COL5A2: variants seen among roughly 807,000 people sequenced by gnomAD.
COL5A2 encodes collagen alpha-2(V) chain.
Under a neutral mutation model 208.2 loss-of-function variants are expected in COL5A2, and 23 were observed. That is an observed-to-expected ratio of 0.11 (90% CI 0.08 to 0.16). The LOEUF is 0.16. Among genes scored for constraint, COL5A2 ranks in the 10% least tolerant of loss-of-function variants. The pLI is 1.00. For missense variants in COL5A2, 1,590 were observed against 1,956.4 expected (o/e 0.81, Z 3.53); for synonymous variants, 625 against 628.5 (o/e 0.99, Z 0.08).
At chr2:189,430,104 A>C in the COL5A2 span, among the ~76,000 whole-genome samples, 2 of 152,232 alleles carry the variant, frequency 1.3e-5, no homozygotes, top group Non-Finnish European at 2.9e-5. Flanking sequence ...TAGTGGAGTT[A>C]GGCCAACTCC....
rs765717478 is a variant in COL5A2, at chr2:189,085,191, G to C, written c.767C>G (p.Pro256Arg). ...GPMGPIGSRG[P>R]EGPPGKPGED... is the part of the protein sequence containing the mutation. ...CCCAGGTTTACCAGGAGGGCCCTCT[G>C]GTCCACGTGAACCAATCGGACCCTA... is the stretch of plus-strand genomic sequence containing the variant. Residue 256 changes from proline (P) to arginine (R), a missense_variant, in exon 11 of 54, where the codon CCA (proline) becomes CGA (arginine). Pro to Arg is a moderately radical substitution (Grantham distance 103). Transcript: ENST00000374866. 2 of 1,611,928 alleles carry C rather than the reference G, an allele frequency of 1.2e-6. No individual in the cohort carries two copies. Among genetic ancestry groups the C allele is most frequent in the South Asian group, 2.2e-5 (2 of 90,644 alleles).
At chr2:189,303,960 T>C in the COL5A2 span, among the ~76,000 whole-genome samples, 2 of 152,182 alleles carry the variant, frequency 1.3e-5, no homozygotes, top group Non-Finnish European at 2.9e-5. Context: ...ACGTTTTTCT[T>C]TTATCACAAG....
the COL5A2 span, among the ~76,000 whole-genome samples, chr2:189,259,378 A>G: frequency 2.0e-5 from 3 of 152,146 alleles, no homozygotes; most frequent in African/African-American, 4.8e-5. Context: ...TAACAGTATG[A>G]TTGTTCTACT....
chr2:189,177,650 T>C (rs1260752254), intron 1 of COL5A2, among the ~76,000 whole-genome samples: 1 of 152,200 alleles, frequency 6.6e-6, no homozygotes, highest in Non-Finnish European at 1.5e-5. Context: ...TTTTCTGTGC[T>C]ATTTGGTTAT....
chr2:189,400,251 T>C, the COL5A2 span, among the ~76,000 whole-genome samples: 11 of 152,316 alleles, frequency 7.2e-5, no homozygotes, highest in South Asian at 2.1e-3. Flanking sequence ...TGCTCAGCCA[T>C]TATATTCTCA....
the COL5A2 span, among the ~76,000 whole-genome samples, chr2:189,432,962 A>T: frequency 1.3e-5 from 2 of 152,222 alleles, no homozygotes; most frequent in Non-Finnish European, 2.9e-5. Context: ...GTAAAAGAAC[A>T]GAAATCACAA....
the COL5A2 span, among the ~76,000 whole-genome samples, chr2:189,419,012 C>A: frequency 6.6e-6 from 1 of 152,108 alleles, no homozygotes; most frequent in African/African-American, 2.4e-5. Flanking sequence ...ACCACCAAAA[C>A]CCAAACCCCC....
chr2:189,038,095 G>GTCCGTT (rs1220232171), intron 51 of COL5A2, among the ~76,000 whole-genome samples: 7 of 151,992 alleles, frequency 4.6e-5, no homozygotes, highest in Non-Finnish European at 1.0e-4. Context: ...TGGGGATATT[G>GTCCGTT]TATGATGCTG....
chr2:189,229,183 G>A (rs1689451737), upstream of COL5A2, among the ~76,000 whole-genome samples: 3 of 151,576 alleles, frequency 2.0e-5, no homozygotes, highest in Admixed American at 2.0e-4. Context: ...TATACAACAA[G>A]TCCACAGTGA....
At chr2:189,313,824 A>G in the COL5A2 span, among the ~76,000 whole-genome samples, 1 of 152,230 alleles carries the variant, frequency 6.6e-6, no homozygotes, top group Non-Finnish European at 1.5e-5. Flanking sequence ...CTTTAAACCA[A>G]CAAAGATCAA....
At chr2:189,168,174 C>T (rs185504225) in intron 1 of COL5A2, among the ~76,000 whole-genome samples, 15 of 150,958 alleles carry the variant, frequency 9.9e-5, no homozygotes, top group South Asian at 4.2e-4. Flanking sequence ...CTTCTGACTT[C>T]GTGATCCGCC....
chr2:189,193,848 A>G (rs1478334193), intron 1 of COL5A2, among the ~76,000 whole-genome samples: 1 of 152,168 alleles, frequency 6.6e-6, no homozygotes, highest in Non-Finnish European at 1.5e-5. Flanking sequence ...TACTTTAACC[A>G]TACCAATTTA....
intron 31 of COL5A2, among the ~76,000 whole-genome samples, chr2:189,060,419 C>T (rs546408674): frequency 9.2e-5 from 14 of 152,202 alleles, no homozygotes; most frequent in South Asian, 4.1e-4. Context: ...GCCAGGAAAA[C>T]GACAGAATAA....
In COL5A2 at chr2:189,050,535, A is replaced by G. The variant is rs183255201; in HGVS notation, c.3039+34T>C. 3.9e-5 allele frequency: 57 copies of G among 1,447,148 alleles called. No individual in the cohort carries two copies. In the Admixed American group the frequency reaches 8.1e-4, roughly 20 times the overall value. 89.6% of individuals were successfully genotyped at this position (1,447,148 alleles called of 1,614,324 possible). On this transcript the variant is annotated intron_variant, in intron 43 of 53. Coordinates refer to ENST00000374866, the MANE Select transcript of COL5A2 (RefSeq NM_000393.5). ...TCTCTAAACAATTTGTATTGCACAT[A>G]TGAGATAAAATATTGACCGATGCAG...
chr2:189,312,757 A>AC, the COL5A2 span, among the ~76,000 whole-genome samples: 2 of 152,080 alleles, frequency 1.3e-5, no homozygotes, highest in Admixed American at 6.6e-5. Flanking sequence ...TTGCTCATTC[A>AC]CAGCCTTCAC....
chr2:189,043,367 G>A (rs953120821), intron 47 of COL5A2, 109 bp from the exon 48 acceptor site: 4 of 708,494 alleles, frequency 5.6e-6, no homozygotes, highest in Non-Finnish European at 9.7e-6. Context: ...TTTTGAACTT[G>A]GTATTTTATA....
At chr2:189,079,773 T>C (rs1394932541) in intron 14 of COL5A2, among the ~76,000 whole-genome samples, 1 of 152,188 alleles carries the variant, frequency 6.6e-6, no homozygotes, top group African/African-American at 2.4e-5. Flanking sequence ...CACCCAGTGC[T>C]ATGGAGGCTA....
At chr2:189,167,765 G>A (rs1688495323) in intron 1 of COL5A2, among the ~76,000 whole-genome samples, 1 of 151,316 alleles carries the variant, frequency 6.6e-6, no homozygotes, top group African/African-American at 2.4e-5. Context: ...ATGCAGAGTG[G>A]AAAACAGGTT....
intron 1 of COL5A2, among the ~76,000 whole-genome samples, chr2:189,193,596 C>T (rs574359873): frequency 2.0e-5 from 3 of 152,134 alleles, no homozygotes; most frequent in African/African-American, 7.2e-5. Flanking sequence ...GCAGCACAAA[C>T]CTCATTTTAT....
Sources: gnomAD v4.1 joint callset for allele counts (sites outside exome capture counted in the v4.1 genomes callset) on GRCh38, gnomAD v4.1.1 for gene constraint, MANE v1.5 for transcripts, NCBI Gene and HGNC (gene_info 2026-07-23, HGNC 2026-07-21) for gene names.